LRRC7: variants seen among roughly 807,000 people sequenced by gnomAD.
LRRC7 encodes leucine rich repeat containing 7.
A neutral mutation model predicts 175.7 loss-of-function variants in LRRC7; 23 were observed. That is an observed-to-expected ratio of 0.13 (90% CI 0.09 to 0.19). LRRC7 has a LOEUF of 0.19. Ranked by LOEUF, LRRC7 falls within the 10% of genes least tolerant of loss-of-function variation. The probability of loss-of-function intolerance (pLI) is 1.00; values close to 1 mark genes in which losing one functional copy is unlikely to be tolerated. For missense variants in LRRC7, 1,354 were observed against 1,904.7 expected (o/e 0.71, Z 5.38); for synonymous variants, 685 against 680.9 (o/e 1.01, Z -0.09).
chr1:69,945,329 T>C (rs1256180289), intron 8 of LRRC7, among the ~76,000 whole-genome samples: 1 of 152,098 alleles, frequency 6.6e-6, no homozygotes, highest in Non-Finnish European at 1.5e-5. Flanking sequence ...TGGTTTTATT[T>C]CTGGGCTCTC....
At chr1:70,010,351 A>G (rs2101948577) in intron 11 of LRRC7, among the ~76,000 whole-genome samples, 1 of 152,310 alleles carries the variant, frequency 6.6e-6, no homozygotes, top group East Asian at 1.9e-4. Context: ...AGATTACTTG[A>G]GGTCAGGAGT....
chr1:70,114,532 T>A (rs1665728194), intron 26 of LRRC7, among the ~76,000 whole-genome samples: 1 of 151,816 alleles, frequency 6.6e-6, no homozygotes, highest in Non-Finnish European at 1.5e-5. Flanking sequence ...ACGAAAAAAA[T>A]TAAAAATTAG....
intron 21 of LRRC7, among the ~76,000 whole-genome samples, chr1:70,040,974 C>T (rs1017128016): frequency 2.0e-5 from 3 of 152,154 alleles, no homozygotes; most frequent in African/African-American, 7.2e-5. Flanking sequence ...CTTCAATTGA[C>T]CATCGTCATT....
At chr1:70,112,937 G>T (rs764957099) in intron 26 of LRRC7, among the ~76,000 whole-genome samples, 3 of 152,136 alleles carry the variant, frequency 2.0e-5, no homozygotes, top group Non-Finnish European at 4.4e-5. Flanking sequence ...CCAGACTCGT[G>T]TGTTAGAGTC....
rs1277093540 is a variant in LRRC7 at position 70,126,514 on chromosome 1, G to A, written c.*4627G>A. On this transcript the variant is annotated 3_prime_UTR_variant, in exon 27 of 27. Coordinates refer to ENST00000651989, the MANE Select transcript of LRRC7 (RefSeq NM_001370785.2). ...GGACTTGGGGGGCATCTCCAGGTTG[G>A]TGATCACTTGCATGAACATTTTTCC... 6.6e-6 allele frequency among the ~76,000 whole-genome samples: 1 copy of A among 152,018 alleles called. No individual in the cohort carries two copies. Among genetic ancestry groups the A allele is most frequent in the Admixed American group, 6.6e-5 (1 of 15,242 alleles).
intron 1 of LRRC7, among the ~76,000 whole-genome samples, chr1:69,587,569 A>G (rs1470230344): frequency 6.6e-6 from 1 of 152,094 alleles, no homozygotes; most frequent in East Asian, 1.9e-4. Context: ...CCCTCTGATA[A>G]GGTTTGGCTC....
chr1:70,075,136 A>G (rs1257145322), intron 23 of LRRC7, among the ~76,000 whole-genome samples: 1 of 152,222 alleles, frequency 6.6e-6, no homozygotes, highest in African/African-American at 2.4e-5. Flanking sequence ...GCACTAAAAT[A>G]TATGTTTAAA....
chr1:69,713,665 T>G (rs1430542062), intron 2 of LRRC7, among the ~76,000 whole-genome samples: 4 of 152,058 alleles, frequency 2.6e-5, no homozygotes, highest in South Asian at 2.1e-4. Context: ...TGAATGACTG[T>G]TTCCTTAATG....
intron 1 of LRRC7, among the ~76,000 whole-genome samples, chr1:69,677,616 G>A (rs1317720643): frequency 6.6e-6 from 1 of 152,044 alleles, no homozygotes; most frequent in Non-Finnish European, 1.5e-5. Context: ...TCTGGCTGGG[G>A]TAAGGTGGTA....
chr1:69,792,825 G>T (rs1295406272), intron 4 of LRRC7, among the ~76,000 whole-genome samples: 1 of 151,966 alleles, frequency 6.6e-6, no homozygotes, highest in African/African-American at 2.4e-5. Flanking sequence ...TTGATATTCA[G>T]GTTGATTATT....
chr1:69,998,929 C>G (rs766019588), intron 11 of LRRC7, among the ~76,000 whole-genome samples: 2 of 152,138 alleles, frequency 1.3e-5, no homozygotes, highest in Admixed American at 6.6e-5. Context: ...CTTGAGCTCC[C>G]GTCACATCCC....
intron 11 of LRRC7, among the ~76,000 whole-genome samples, chr1:70,008,915 G>A (rs1260023989): frequency 2.6e-5 from 4 of 152,124 alleles, no homozygotes; most frequent in Non-Finnish European, 5.9e-5. Context: ...TATTCACATT[G>A]TAATATGTGG....
intron 1 of LRRC7, among the ~76,000 whole-genome samples, chr1:69,581,289 A>T (rs983949915): frequency 6.6e-6 from 1 of 152,330 alleles, no homozygotes; most frequent in East Asian, 1.9e-4. Flanking sequence ...ATAGGGATTC[A>T]TGAATTAGGA....
intron 2 of LRRC7, among the ~76,000 whole-genome samples, chr1:69,693,034 A>C (rs1662088349): frequency 6.6e-6 from 1 of 151,700 alleles, no homozygotes; most frequent in Non-Finnish European, 1.5e-5. Context: ...AGGCTCGCAG[A>C]CACGGACAGG....
At position 69,635,663 on chromosome 1, in the gene LRRC7, C is replaced by T. The variant is rs141085365; in HGVS notation, c.3-42718C>T. Among the ~76,000 whole-genome samples the T allele has an allele frequency of 5.8e-3, 876 of 151,814 alleles. 11 individuals are homozygous for T. The highest frequency in any genetic ancestry group is 0.02 in the African/African-American group (839 of 41,444). On this transcript the variant is annotated intron_variant, in intron 1 of 26. Transcript: ENST00000651989. ...TTCAATATAATCTTTTTATGATGTCCGGATTTTAAAAATAATAACAATTTA... is the reference window on the plus strand; with the variant it reads ...TTCAATATAATCTTTTTATGATGTCTGGATTTTAAAAATAATAACAATTTA...
At chr1:69,629,732 C>A (rs1652182376) in intron 1 of LRRC7, among the ~76,000 whole-genome samples, 1 of 151,962 alleles carries the variant, frequency 6.6e-6, no homozygotes, top group East Asian at 1.9e-4. Context: ...TGTTCTTTCC[C>A]TCTCTCTCTG....
intron 4 of LRRC7, among the ~76,000 whole-genome samples, chr1:69,822,091 G>A (rs1419620400): frequency 2.6e-5 from 4 of 152,148 alleles, no homozygotes; most frequent in Admixed American, 2.6e-4. Context: ...GACTTTTGCT[G>A]TGGATGTGCC....
intron 1 of LRRC7, among the ~76,000 whole-genome samples, chr1:69,620,567 G>T (rs538929551): frequency 3.0e-4 from 45 of 152,284 alleles, no homozygotes; most frequent in Admixed American, 1.4e-3. Context: ...ACATCGTGCT[G>T]CAAGGGAGCT....
At chr1:69,740,916 A>C (rs994532317) in intron 2 of LRRC7, among the ~76,000 whole-genome samples, 1 of 152,040 alleles carries the variant, frequency 6.6e-6, no homozygotes, top group Admixed American at 6.6e-5. Context: ...AATACCCTAA[A>C]CAGAGCAGAC....
Sources: allele counts gnomAD v4.1 joint callset (sites outside exome capture counted in the v4.1 genomes callset), GRCh38; gene constraint gnomAD v4.1.1; transcripts MANE v1.5; gene names NCBI Gene and HGNC (gene_info 2026-07-23, HGNC 2026-07-21).